The following MOV10L1 variants were observed in gnomAD, a reference collection of about 807,000 sequenced individuals.
The protein encoded by MOV10L1 is RNA helicase Mov10l1.
MOV10L1 carries 110 observed loss-of-function variants against 143.8 expected under a neutral mutation model. The ratio of observed to expected loss-of-function variants is 0.76; its 90% CI spans 0.66 to 0.90. The LOEUF is 0.90. MOV10L1 is among the 40% of genes least tolerant of loss of function. The pLI is 0.00. For missense variants in MOV10L1, 1,406 were observed against 1,526.8 expected, an observed-to-expected ratio of 0.92 and a Z score of 1.32; for synonymous variants, 593 against 581.1, an observed-to-expected ratio of 1.02 and a Z score of -0.29.
chr22:50,137,949 AGAGGG>A lies in MOV10L1; in HGVS notation c.2070+3320_2070+3324del, dbSNP rs1442062235. 5.5e-4 allele frequency among the ~76,000 whole-genome samples: 83 copies of A among 151,624 alleles called. No individual in the cohort carries two copies. In the East Asian group the frequency reaches 0.013, roughly 23 times the overall value. On this transcript the variant is annotated intron_variant, in intron 15 of 26. Transcript: ENST00000262794. ...TATATGACACATGTATATGAGACCA[AGAGGG>A]TTCATCCCAGGAATGGCTTAACATT...
chr22:50,128,760 G>T (rs1186243694), intron 13 of MOV10L1, among the ~76,000 whole-genome samples: 3 of 151,554 alleles, frequency 2.0e-5, no homozygotes, highest in Admixed American at 2.0e-4. Flanking sequence ...GGCCAGTCTG[G>T]TCTTGAACTC....
chr22:50,143,177 C>G lies in MOV10L1; in HGVS notation c.2314C>G (p.Pro772Ala). ...RPLPYILFGP[P>A]GTGKTVTIIE... is the part of the protein sequence containing the mutation. ...CCTCCCGTATATTCTCTTTGGACCT[C>G]CTGGTACTGGAAAGACAGTGACAAT... Residue 772 changes from proline to alanine, a missense_variant, in exon 17 of 27, where the codon CCT becomes GCT. Physicochemically the swap from Pro to Ala is conservative, Grantham distance 27 (BLOSUM62 -1). This residue lies in a region of MOV10L1 where 1,233 missense variants were observed against 1,351.4 expected (regional missense o/e 0.91). Coordinates refer to ENST00000262794, the MANE Select transcript of MOV10L1 (RefSeq NM_018995.3). 4 of 1,614,158 alleles carry G rather than the reference C, an allele frequency of 2.5e-6. No homozygotes were observed. Among genetic ancestry groups the G allele is most frequent in the Non-Finnish European group, 3.4e-6 (4 of 1,180,036 alleles).
rs1008309279 is a variant in MOV10L1 at position 50,108,589 on chromosome 22, T to C, written c.556-68T>C. ...TGTGTGCTTTGGGCTGACTTGGGCG[T>C]GTGTTAGAGCTGCGCCCTGTCGTCA... On this transcript the variant is annotated intron_variant, in intron 4 of 26. Coordinates refer to ENST00000262794, the MANE Select transcript of MOV10L1 (RefSeq NM_018995.3). The C allele has an allele frequency of 2.6e-5, 41 of 1,552,258 alleles. No homozygotes were observed. In the Admixed American group the frequency reaches 4.5e-4, roughly 17 times the overall value.
intron 2 of MOV10L1, among the ~76,000 whole-genome samples, chr22:50,092,544 G>A (rs1397202714): frequency 2.0e-5 from 3 of 152,090 alleles, no homozygotes; most frequent in Non-Finnish European, 2.9e-5. Flanking sequence ...AGGCTGAGGC[G>A]GGAGGATCGC....
At chr22:50,141,951 G>A in intron 15 of MOV10L1, 130 bp from the exon 16 acceptor site, 1 of 535,844 alleles carries the variant, frequency 1.9e-6, no homozygotes, top group Non-Finnish European at 3.1e-6. Flanking sequence ...GGTCTGACCT[G>A]TGATCCATCC....
In MOV10L1 at chr22:50,160,954, T is replaced by C. The variant is rs183806586; in HGVS notation, c.3463-10T>C. On this transcript the variant is annotated splice_polypyrimidine_tract_variant and intron_variant, in intron 25 of 26. Coordinates refer to ENST00000262794, the MANE Select transcript of MOV10L1 (RefSeq NM_018995.3). ...TGCTCTCACACCAGGCTAATTGTTATTGCCAACAGGACCCCTGTTTTGGTG... is the reference window on the plus strand; with the variant it reads ...TGCTCTCACACCAGGCTAATTGTTACTGCCAACAGGACCCCTGTTTTGGTG... 5.9e-5 allele frequency: 95 copies of C among 1,614,136 alleles called. No individual in the cohort carries two copies. Among genetic ancestry groups the C allele is most frequent in the Non-Finnish European group, 7.7e-5 (91 of 1,179,988 alleles).
chr22:50,154,349 G>A (rs2063371745), intron 22 of MOV10L1, among the ~76,000 whole-genome samples: 1 of 152,060 alleles, frequency 6.6e-6, no homozygotes, highest in Non-Finnish European at 1.5e-5. Context: ...TTGAGCCTAG[G>A]AGTTCAAGAT....
In MOV10L1 at chr22:50,161,467, C is replaced by A. The variant is rs764091944; in HGVS notation, c.*18C>A. On this transcript the variant is annotated 3_prime_UTR_variant, in exon 27 of 27. Coordinates refer to ENST00000262794, the MANE Select transcript of MOV10L1 (RefSeq NM_018995.3). Reference sequence around the variant, plus strand: ...CCAGCTGATCTGCAGTGGCTGACAGCAGGGAGGCCATGTGCTCAGCCTGGC... The same window carrying A: ...CCAGCTGATCTGCAGTGGCTGACAGAAGGGAGGCCATGTGCTCAGCCTGGC... The A allele has an allele frequency of 1.3e-6, 2 of 1,568,296 alleles. No individual in the cohort carries two copies. The highest frequency in any genetic ancestry group is 8.6e-7 in the Non-Finnish European group (1 of 1,156,354).
At chr22:50,112,840 C>T (rs2062060166) in intron 5 of MOV10L1, among the ~76,000 whole-genome samples, 1 of 152,248 alleles carries the variant, frequency 6.6e-6, no homozygotes, top group Non-Finnish European at 1.5e-5. Flanking sequence ...CTGCAAAATC[C>T]CCACCCCGTC....
At chr22:50,109,190 A>G (rs970435738) in intron 5 of MOV10L1, among the ~76,000 whole-genome samples, 2 of 152,058 alleles carry the variant, frequency 1.3e-5, no homozygotes, top group African/African-American at 4.8e-5. Flanking sequence ...GGCCCCATAT[A>G]AGTATATTTT....
Position 50,160,738 on chromosome 22 carries a change from C to T in MOV10L1, c.3375C>T (p.Phe1125=), listed in dbSNP as rs1300431841. The T allele has an allele frequency of 6.2e-7, 1 of 1,613,910 alleles. No homozygotes were observed. The highest frequency in any genetic ancestry group is 1.6e-4 in the Middle Eastern group (1 of 6,062). ...RFEDDRYFLG[F]LSNSKRFNVA... ...AAGATGATCGATATTTTTTGGGTTT[C>T]TTGTCCAACTCAAAAAGATTTAATG... The change falls in exon 25 of 27, where the codon TTC becomes TTT. Residue 1125 remains phenylalanine (F), a synonymous_variant. Coordinates refer to ENST00000262794, the MANE Select transcript of MOV10L1 (RefSeq NM_018995.3).
chr22:50,117,213 G>A lies in MOV10L1; in HGVS notation c.1316G>A (p.Gly439Glu). Reference sequence around the variant, plus strand: ...CTCTGTTTTTCCGATTTCCTAATTGGGCGATACCTTGAAGTAAATGTTATC... The same window carrying A: ...CTCTGTTTTTCCGATTTCCTAATTGAGCGATACCTTGAAGTAAATGTTATC... ...LLLCFSDFLI[G>E]RYLEVNVISG... is the part of the protein sequence containing the mutation. Residue 439 changes from glycine (G) to glutamate (E), a missense_variant, in exon 9 of 27, where the codon GGG (glycine) becomes GAG (glutamate). Physicochemically the swap from Gly to Glu is moderately conservative, Grantham distance 98. Coordinates refer to ENST00000262794, the MANE Select transcript of MOV10L1 (RefSeq NM_018995.3). 1 of 1,613,588 alleles carries A rather than the reference G, an allele frequency of 6.2e-7. No individual in the cohort carries two copies. The highest frequency in any genetic ancestry group is 8.5e-7 in the Non-Finnish European group (1 of 1,179,834).
In MOV10L1 at chr22:50,126,189, A is replaced by C. The variant is rs774881657; in HGVS notation, c.1748-13A>C. On this transcript the variant is annotated splice_polypyrimidine_tract_variant and intron_variant, in intron 11 of 26. Coordinates refer to ENST00000262794, the MANE Select transcript of MOV10L1 (RefSeq NM_018995.3). Reference sequence around the variant, plus strand: ...GTGTTAGCTTTAAACATGGTAATATATTTTTTAACTAGGTGATAAACTGAT... The same window carrying C: ...GTGTTAGCTTTAAACATGGTAATATCTTTTTTAACTAGGTGATAAACTGAT... The C allele has an allele frequency of 7.7e-6, 12 of 1,561,102 alleles. No individual in the cohort carries two copies. The African/African-American group carries it at 1.6e-4, about 21-fold the overall frequency.
intron 2 of MOV10L1, chr22:50,095,290 T>C (rs1175758287): frequency 6.6e-6 from 1 of 152,256 alleles, no homozygotes; most frequent in Non-Finnish European, 1.5e-5. Flanking sequence ...TTAAACAATA[T>C]GCTTGTATCT....
At chr22:50,100,160 T>C (rs1452559148) in intron 3 of MOV10L1, among the ~76,000 whole-genome samples, 4 of 151,794 alleles carry the variant, frequency 2.6e-5, no homozygotes, top group Non-Finnish European at 5.9e-5. Context: ...CCCAGCTAAT[T>C]TTTTGTATTT....
intron 2 of MOV10L1, 22 bp from the exon 3 acceptor site, chr22:50,099,421 G>A: frequency 6.2e-7 from 1 of 1,611,730 alleles, no homozygotes; most frequent in Non-Finnish European, 8.5e-7. Context: ...TTATGGTTTA[G>A]AGCGGTGTGT....
intron 12 of MOV10L1, among the ~76,000 whole-genome samples, chr22:50,127,545 G>A (rs12167156): frequency 1.4e-3 from 211 of 152,286 alleles, no homozygotes; most frequent in African/African-American, 4.9e-3. Flanking sequence ...CCAGGGCGTA[G>A]CTTCCCGACT....
intron 18 of MOV10L1, among the ~76,000 whole-genome samples, chr22:50,145,210 G>C (rs1321628398): frequency 1.3e-5 from 2 of 152,170 alleles, no homozygotes; most frequent in African/African-American, 4.8e-5. Context: ...CCAAAGTGTT[G>C]AGATTACAGG....
In MOV10L1 at chr22:50,145,724, C is replaced by T. The variant is rs202216740; in HGVS notation, c.2541C>T (p.Asp847=). The T allele has an allele frequency of 3.0e-5, 49 of 1,614,146 alleles. No individual in the cohort carries two copies. Among genetic ancestry groups the T allele is most frequent in the Admixed American group, 8.3e-5 (5 of 60,018 alleles). The change falls in exon 19 of 27, where the codon GAC becomes GAT. Residue 847 remains aspartate, a synonymous_variant. Transcript: ENST00000262794. ...VIDAVKPYCR[D]GEDIWKASRF... Reference sequence around the variant, plus strand: ...ACGCCGTCAAACCGTATTGCAGAGACGGAGAAGACATCTGGAAAGCCTCAC... The same window carrying T: ...ACGCCGTCAAACCGTATTGCAGAGATGGAGAAGACATCTGGAAAGCCTCAC...
Sources: allele counts gnomAD v4.1 joint callset (sites outside exome capture counted in the v4.1 genomes callset), GRCh38; gene constraint gnomAD v4.1.1; regional missense constraint gnomAD v4.1.1; transcripts MANE v1.5; gene names NCBI Gene and HGNC (gene_info 2026-07-23, HGNC 2026-07-21).